Variants in SVIL observed in about 807,000 individuals in gnomAD.
SVIL encodes supervillin.
In SVIL, 101 loss-of-function variants were observed where a neutral mutation model predicts 240.4. The observed-to-expected ratio is 0.42, with a 90% confidence interval of 0.36 to 0.50. The LOEUF (loss-of-function observed/expected upper bound fraction) is 0.50. SVIL is among the 20% of genes least tolerant of loss of function. The pLI is 0.01. For missense variants in SVIL, 2,512 were observed against 2,818.7 expected (o/e 0.89, Z 2.46); for synonymous variants, 999 against 1,100.0 (o/e 0.91, Z 1.82).
At chr10:29,670,363 T>G (rs933933401) in intron 2 of SVIL, among the ~76,000 whole-genome samples, 1 of 152,176 alleles carries the variant, frequency 6.6e-6, no homozygotes. Flanking sequence ...AATAAAAGCT[T>G]CAAAGCTTTA....
intron 17 of SVIL, among the ~76,000 whole-genome samples, chr10:29,509,358 A>AGAGAGAGAGAG (rs1554828023): frequency 0.023 from 2,941 of 128,836 alleles, 132 homozygotes; most frequent in Non-Finnish European, 0.033. Flanking sequence ...AGAGAGAGAG[A>AGAGAGAGAGAG]GAGAGAGAGA....
intron 17 of SVIL, among the ~76,000 whole-genome samples, chr10:29,503,045 T>G (rs1374313285): frequency 2.6e-5 from 4 of 152,220 alleles, no homozygotes; most frequent in Non-Finnish European, 5.9e-5. Flanking sequence ...TTTTTTATCT[T>G]ATTCACATGT....
upstream of SVIL, chr10:29,736,737 C>G (rs1273614017): frequency 6.6e-6 from 1 of 151,674 alleles, no homozygotes; most frequent in Non-Finnish European, 1.5e-5. Flanking sequence ...GCCCACCTGC[C>G]GGGCCCGGGC....
intron 2 of SVIL, among the ~76,000 whole-genome samples, chr10:29,664,240 C>T (rs895493798): frequency 1.3e-5 from 2 of 152,164 alleles, no homozygotes; most frequent in Admixed American, 6.5e-5. Flanking sequence ...ATCTCTCATA[C>T]ACTTTTTCAA....
intron 1 of SVIL, among the ~76,000 whole-genome samples, chr10:29,611,127 C>T (rs1174951037): frequency 1.3e-5 from 2 of 152,078 alleles, no homozygotes; most frequent in Non-Finnish European, 2.9e-5. Context: ...AATGTCGCCC[C>T]CTCCTTCCTC....
At chr10:29,591,299 T>C (rs1312671799) in intron 1 of SVIL, among the ~76,000 whole-genome samples, 1 of 152,198 alleles carries the variant, frequency 6.6e-6, no homozygotes, top group Non-Finnish European at 1.5e-5. Context: ...CCCAGGCAGG[T>C]CCAGAACTTT....
At chr10:29,665,984 T>G (rs2133047365) in intron 2 of SVIL, among the ~76,000 whole-genome samples, 1 of 152,310 alleles carries the variant, frequency 6.6e-6, no homozygotes, top group East Asian at 1.9e-4. Flanking sequence ...TTTCTCAAGG[T>G]TTAAGTGATG....
chr10:29,618,548 T>G (rs1326967463), intron 1 of SVIL, among the ~76,000 whole-genome samples: 1 of 152,186 alleles, frequency 6.6e-6, no homozygotes, highest in Admixed American at 6.5e-5. Context: ...TGGACGCTCT[T>G]GACCACCTTC....
chr10:29,527,850 C>T lies in SVIL; in HGVS notation c.2247-794G>A, dbSNP rs145887053. On this transcript the variant is annotated intron_variant, in intron 12 of 37. Transcript: ENST00000355867. Reference sequence around the variant, plus strand: ...AAGCATTTCTCCTGCCTCAGCCTCCCGAGTAGCTGGGATTACAGGCGTGCG... The same window carrying T: ...AAGCATTTCTCCTGCCTCAGCCTCCTGAGTAGCTGGGATTACAGGCGTGCG... Among the ~76,000 whole-genome samples the T allele has an allele frequency of 2.3e-3, 340 of 150,202 alleles. 6 individuals are homozygous for T. The South Asian group carries it at 0.025, about 11-fold the overall frequency.
intron 1 of SVIL, among the ~76,000 whole-genome samples, chr10:29,618,125 G>A (rs1423388648): frequency 6.6e-6 from 1 of 152,192 alleles, no homozygotes; most frequent in African/African-American, 2.4e-5. Context: ...TGTTCTCCTG[G>A]GGAGGCGGGC....
intron 33 of SVIL, chr10:29,467,280 G>A: frequency 6.4e-6 from 1 of 157,362 alleles, no homozygotes; most frequent in Non-Finnish European, 1.4e-5. Context: ...TAAGAGGCCG[G>A]CTTCCTTCCC....
chr10:29,673,258 A>G (rs1456969692), intron 2 of SVIL, among the ~76,000 whole-genome samples: 1 of 152,196 alleles, frequency 6.6e-6, no homozygotes, highest in Non-Finnish European at 1.5e-5. Flanking sequence ...ATAAATCTAC[A>G]CTAGAAATAT....
At chr10:29,470,534 G>T (rs752289048) in intron 31 of SVIL, 51 bp from the exon 32 acceptor site, 1 of 1,601,154 alleles carries the variant, frequency 6.2e-7, no homozygotes, top group Non-Finnish European at 8.5e-7. Context: ...GCGAGTGGCA[G>T]CAAACGCGGC....
intron 21 of SVIL, among the ~76,000 whole-genome samples, chr10:29,492,220 C>T (rs545270814): frequency 6.6e-6 from 1 of 152,196 alleles, no homozygotes; most frequent in East Asian, 1.9e-4. Flanking sequence ...CCATTGGCCA[C>T]AGTGACTGGT....
At chr10:29,723,469 A>C (rs1477252331) in intron 1 of SVIL, among the ~76,000 whole-genome samples, 1 of 152,170 alleles carries the variant, frequency 6.6e-6, no homozygotes, top group Admixed American at 6.5e-5. Context: ...ACTTGAACTG[A>C]AACTTTCGGT....
chr10:29,512,584 T>A (rs1949914946), intron 17 of SVIL, 151 bp downstream of exon 17: 2 of 1,297,694 alleles, frequency 1.5e-6, no homozygotes. Flanking sequence ...CAATTTTAGC[T>A]GCTCTGTGAC....
intron 2 of SVIL, among the ~76,000 whole-genome samples, chr10:29,664,282 GT>G (rs897622541): frequency 1.3e-4 from 20 of 152,016 alleles, no homozygotes; most frequent in South Asian, 2.1e-4. Flanking sequence ...TTAAATGTAT[GT>G]TTTTTTTGAT....
In SVIL at chr10:29,486,511, C is replaced by T. The variant is rs746294335; in HGVS notation, c.4532G>A (p.Cys1511Tyr). The change falls in exon 25 of 38, where the codon TGT (cysteine) becomes TAT (tyrosine). Residue 1511 changes from cysteine to tyrosine, a missense_variant. Cys to Tyr is a radical substitution (Grantham distance 194, BLOSUM62 -2). Transcript: ENST00000355867. ...TLIQTKRELG[C>Y]RATYIQTIEE... Reference sequence around the variant, plus strand: ...AATGGTTTGGATATAAGTAGCTCTACAACCAAGTTCCCTCTTTGTCTGAAT... The same window carrying T: ...AATGGTTTGGATATAAGTAGCTCTATAACCAAGTTCCCTCTTTGTCTGAAT... 19 of 1,614,048 alleles carry T rather than the reference C, an allele frequency of 1.2e-5. No individual in the cohort carries two copies. In the South Asian group the frequency reaches 2.1e-4, roughly 18 times the overall value.
chr10:29,671,767 A>G (rs1029809822), intron 2 of SVIL, among the ~76,000 whole-genome samples: 11 of 152,216 alleles, frequency 7.2e-5, no homozygotes, highest in African/African-American at 2.7e-4. Flanking sequence ...GTTAAAATAT[A>G]CACATGGCCA....
Sources: allele counts gnomAD v4.1 joint callset (sites outside exome capture counted in the v4.1 genomes callset), GRCh38; gene constraint gnomAD v4.1.1; transcripts MANE v1.5; gene names NCBI Gene and HGNC (gene_info 2026-07-23, HGNC 2026-07-21).